The following PAPPA2 variants were observed in gnomAD, a reference collection of about 807,000 sequenced individuals.
The protein encoded by PAPPA2 is pappalysin-2.
A neutral mutation model predicts 176.4 loss-of-function variants in PAPPA2; 86 were observed. That is an observed-to-expected ratio of 0.49 (90% CI 0.41 to 0.58). PAPPA2 has a LOEUF of 0.58. Ranked by LOEUF, PAPPA2 falls within the 20% of genes least tolerant of loss-of-function variation. PAPPA2 has a pLI of 0.00. For synonymous variants in PAPPA2, 809 were observed against 852.2 expected, an observed-to-expected ratio of 0.95 and a Z score of 0.88; for missense variants, 2,073 against 2,256.9, an observed-to-expected ratio of 0.92 and a Z score of 1.65.
intron 14 of PAPPA2, among the ~76,000 whole-genome samples, chr1:176,763,331 A>G (rs886862934): frequency 2.6e-5 from 4 of 152,200 alleles, no homozygotes; most frequent in Non-Finnish European, 4.4e-5. Context: ...CCCTAAGAGC[A>G]TGGTTCTTAT....
chr1:176,528,824 G>A (rs1053347986), intron 1 of PAPPA2, among the ~76,000 whole-genome samples: 2 of 152,140 alleles, frequency 1.3e-5, no homozygotes, highest in Non-Finnish European at 2.9e-5. Flanking sequence ...CACCATGTGT[G>A]TCTACTTTGC....
At chr1:176,785,141 G>C (rs888233045) in intron 17 of PAPPA2, among the ~76,000 whole-genome samples, 1 of 152,098 alleles carries the variant, frequency 6.6e-6, no homozygotes, top group Non-Finnish European at 1.5e-5. Flanking sequence ...CTTCTTCAAG[G>C]GCCCTATGGG....
chr1:176,759,148 CT>C lies in PAPPA2; in HGVS notation c.4152-6514del, dbSNP rs202106942. On this transcript the variant is annotated intron_variant, in intron 14 of 22. Coordinates refer to ENST00000367662, the MANE Select transcript of PAPPA2 (RefSeq NM_020318.3). ...ACGCTAGATAAAAGTTGTGATCAGA[CT>C]TTTATGAATGCCTGGGGGAGGGTGG... Among the ~76,000 whole-genome samples the C allele has an allele frequency of 5.6e-4, 85 of 152,312 alleles. No homozygotes were observed. The East Asian group carries it at 0.016, about 29-fold the overall frequency.
chr1:176,488,080 A>G (rs1652724712), intron 1 of PAPPA2, among the ~76,000 whole-genome samples: 1 of 152,184 alleles, frequency 6.6e-6, no homozygotes, highest in African/African-American at 2.4e-5. Flanking sequence ...TTTTATCTGC[A>G]TGATATTGTT....
chr1:176,675,099 G>A (rs1261470262), intron 4 of PAPPA2, among the ~76,000 whole-genome samples: 1 of 151,952 alleles, frequency 6.6e-6, no homozygotes, highest in Non-Finnish European at 1.5e-5. Flanking sequence ...AATGTCTAGA[G>A]TTTTTCCAGT....
chr1:176,732,921 G>A (rs1181063371), intron 12 of PAPPA2, among the ~76,000 whole-genome samples: 1 of 152,212 alleles, frequency 6.6e-6, no homozygotes, highest in East Asian at 1.9e-4. Flanking sequence ...ACAGCAGGAG[G>A]TGAGAATTGG....
Position 176,603,298 on chromosome 1 carries a change from C to T in PAPPA2, c.1991+7703C>T, listed in dbSNP as rs575046620. Among the ~76,000 whole-genome samples the T allele has an allele frequency of 5.9e-5, 9 of 152,348 alleles. No homozygotes were observed. The South Asian group carries it at 1.9e-3, about 32-fold the overall frequency. On this transcript the variant is annotated intron_variant, in intron 3 of 22. Coordinates refer to ENST00000367662, the MANE Select transcript of PAPPA2 (RefSeq NM_020318.3). The stretch of plus-strand genomic sequence containing the variant: ...CCTAAGAGTTTGAAAGACAGCTGCA[C>T]ACTTACACATTTTTCTTTGCCTTGG...
In PAPPA2 at chr1:176,641,715, C is replaced by T. The variant is rs576394668; in HGVS notation, c.1992-29255C>T. On this transcript the variant is annotated intron_variant, in intron 3 of 22. Coordinates refer to ENST00000367662, the MANE Select transcript of PAPPA2 (RefSeq NM_020318.3). ...ATTTCTTATAATAAAGAAATGAGTA[C>T]ACTCTTCTCCTATTTTTTGACCATG... 9.9e-5 allele frequency among the ~76,000 whole-genome samples: 15 copies of T among 152,052 alleles called. No homozygotes were observed. The East Asian group carries it at 2.5e-3, about 26-fold the overall frequency.
chr1:176,715,026 C>G (rs1464705333), intron 12 of PAPPA2, among the ~76,000 whole-genome samples: 1 of 152,118 alleles, frequency 6.6e-6, no homozygotes, highest in African/African-American at 2.4e-5. Flanking sequence ...GACCTCCTGA[C>G]TAATCACTGC....
chr1:176,552,057 C>T (rs1041105063), intron 1 of PAPPA2, among the ~76,000 whole-genome samples: 6 of 152,184 alleles, frequency 3.9e-5, no homozygotes, highest in Admixed American at 2.0e-4. Context: ...GTTTTCTGTA[C>T]GTAAAACCTA....
At chr1:176,698,504 AT>A (rs1261042780) in intron 7 of PAPPA2, among the ~76,000 whole-genome samples, 4 of 151,584 alleles carry the variant, frequency 2.6e-5, no homozygotes, top group South Asian at 2.1e-4. Flanking sequence ...CTGAATCTTC[AT>A]TTTTTTTCCC....
intron 21 of PAPPA2, among the ~76,000 whole-genome samples, chr1:176,808,614 TC>T (rs1666011218): frequency 6.6e-6 from 1 of 152,186 alleles, no homozygotes; most frequent in Non-Finnish European, 1.5e-5. Context: ...ATGGCTCTGG[TC>T]TTGAGACAAC....
rs908281308 is a variant in PAPPA2, at chr1:176,672,782, G to A, written c.2137+1667G>A. 2.2e-4 allele frequency among the ~76,000 whole-genome samples: 34 copies of A among 152,272 alleles called. 1 individual carries two copies. Among genetic ancestry groups the A allele is most frequent in the Admixed American group, 5.9e-4 (9 of 15,290 alleles). Reference sequence around the variant, plus strand: ...ATGCTTTGCCAGCGTGCATAGCTGGGTTTCATTGGCTCTATAGTACCTGAT... The same window carrying A: ...ATGCTTTGCCAGCGTGCATAGCTGGATTTCATTGGCTCTATAGTACCTGAT... On this transcript the variant is annotated intron_variant, in intron 4 of 22. Transcript: ENST00000367662.
intron 2 of PAPPA2, among the ~76,000 whole-genome samples, chr1:176,592,637 A>T (rs926792428): frequency 1.3e-5 from 2 of 152,196 alleles, no homozygotes; most frequent in African/African-American, 4.8e-5. Flanking sequence ...CATGCTAATT[A>T]TCTGGTAACT....
At chr1:176,799,953 G>A in intron 20 of PAPPA2, 108 bp from the exon 21 acceptor site, 1 of 1,107,608 alleles carries the variant, frequency 9.0e-7, no homozygotes, top group Non-Finnish European at 1.4e-6. Context: ...GAAACTAGCT[G>A]CTTGAGAAAT....
intron 3 of PAPPA2, among the ~76,000 whole-genome samples, chr1:176,615,067 A>T (rs902779184): frequency 1.1e-4 from 17 of 152,232 alleles, no homozygotes; most frequent in African/African-American, 4.1e-4. Flanking sequence ...TATGATTATA[A>T]TAACAAAGCA....
chr1:176,546,319 T>C (rs919488405), intron 1 of PAPPA2, among the ~76,000 whole-genome samples: 1 of 152,194 alleles, frequency 6.6e-6, no homozygotes, highest in African/African-American at 2.4e-5. Flanking sequence ...TTGGTGGTGT[T>C]ACTTTATTTT....
chr1:176,840,423 G>C, intron 22 of PAPPA2, 152 bp downstream of exon 22: 1 of 642,492 alleles, frequency 1.6e-6, no homozygotes, highest in Non-Finnish European at 2.7e-6. Context: ...CTTCTAAAGT[G>C]ACAGGGTTAA....
chr1:176,677,397 T>G (rs1659356825), intron 4 of PAPPA2, among the ~76,000 whole-genome samples: 1 of 152,166 alleles, frequency 6.6e-6, no homozygotes, highest in Admixed American at 6.6e-5. Flanking sequence ...AAGACCAAGG[T>G]AATTTGTCAT....
Sources: gnomAD v4.1 joint callset for allele counts (sites outside exome capture counted in the v4.1 genomes callset) on GRCh38, gnomAD v4.1.1 for gene constraint, MANE v1.5 for transcripts, NCBI Gene and HGNC (gene_info 2026-07-23, HGNC 2026-07-21) for gene names.